Variants in GLMN observed in about 807,000 individuals in gnomAD.
GLMN encodes the protein glomulin.
A neutral mutation model predicts 87.8 loss-of-function variants in GLMN; 75 were observed. The ratio of observed to expected loss-of-function variants is 0.85; its 90% confidence interval spans 0.71 to 1.04. The LOEUF (loss-of-function observed/expected upper bound fraction) is 1.04. Ranked by LOEUF, GLMN falls within the 50% of genes least tolerant of loss-of-function variation. The pLI is 0.00. For synonymous variants in GLMN, 206 were observed against 221.6 expected (o/e 0.93, Z 0.63); for missense variants, 588 against 658.8 (o/e 0.89, Z 1.18).
chr1:92,346,613 T>G, the GLMN span, among the ~76,000 whole-genome samples: 9,223 of 152,284 alleles, frequency 0.061, 399 homozygotes, highest in Middle Eastern at 0.11. Context: ...TTATTTTGTT[T>G]GTCAACATAC....
the GLMN span, among the ~76,000 whole-genome samples, chr1:92,346,496 A>C: frequency 1.3e-5 from 2 of 152,080 alleles, no homozygotes; most frequent in Non-Finnish European, 2.9e-5. Flanking sequence ...AAATATCCTC[A>C]TGTGGAGTAT....
At chr1:92,263,255 T>C (rs1655237673) in intron 15 of GLMN, among the ~76,000 whole-genome samples, 1 of 152,086 alleles carries the variant, frequency 6.6e-6, no homozygotes, top group Non-Finnish European at 1.5e-5. Flanking sequence ...ACTGAAATTA[T>C]ATGTTCTATA....
chr1:92,331,612 C>G, the GLMN span, among the ~76,000 whole-genome samples: 1 of 152,156 alleles, frequency 6.6e-6, no homozygotes, highest in Non-Finnish European at 1.5e-5. Context: ...CATGATTTAA[C>G]TCCATCTATC....
At chr1:92,351,091 G>A in the GLMN span, among the ~76,000 whole-genome samples, 9 of 151,920 alleles carry the variant, frequency 5.9e-5, no homozygotes, top group Admixed American at 1.3e-4. Context: ...GGTGGATCAC[G>A]AAGTCAGAAG....
Position 92,297,550 on chromosome 1 carries a change from C to T in GLMN, c.40-21G>A, listed in dbSNP as rs760132970. Reference sequence around the variant, plus strand: ...ATTTGCTGGCAAAAAAAAAAAAAACCCAAAAAACAAACAAAAAAAAGTATA... The same window carrying T: ...ATTTGCTGGCAAAAAAAAAAAAAACTCAAAAAACAAACAAAAAAAAGTATA... On this transcript the variant is annotated intron_variant, in intron 2 of 18. Coordinates refer to ENST00000370360, the MANE Select transcript of GLMN (RefSeq NM_053274.3). 2.7e-6 allele frequency: 4 copies of T among 1,505,262 alleles called. No homozygotes were observed. The South Asian group carries it at 4.8e-5, about 18-fold the overall frequency. The allele number at this position is 1,505,262 out of a possible 1,614,324, so 93.2% of individuals were successfully genotyped here.
the GLMN span, chr1:92,333,108 A>G: frequency 3.0e-6 from 1 of 332,760 alleles, no homozygotes; most frequent in East Asian, 5.3e-5. Context: ...GCAGTTTACA[A>G]AATCTTTTTG....
the GLMN span, chr1:92,323,736 G>A: frequency 6.2e-7 from 1 of 1,614,146 alleles, no homozygotes; most frequent in Non-Finnish European, 8.5e-7. Flanking sequence ...ATGTCACTGA[G>A]CAGTTAGGCG....
upstream of GLMN, chr1:92,300,220 CAAG>C (rs1489340679): frequency 3.1e-6 from 5 of 1,609,876 alleles, no homozygotes; most frequent in Non-Finnish European, 4.2e-6. Context: ...TACTTTGAAA[CAAG>C]AAGATGCTTC....
At chr1:92,356,590 T>G in the GLMN span, among the ~76,000 whole-genome samples, 3,732 of 149,920 alleles carry the variant, frequency 0.025, 114 homozygotes, top group African/African-American at 0.071. Context: ...GGCTAATTTT[T>G]TTTTTTTTTT....
chr1:92,299,720 A>G (rs1226377886), upstream of GLMN, among the ~76,000 whole-genome samples: 4 of 152,316 alleles, frequency 2.6e-5, no homozygotes, highest in East Asian at 7.7e-4. Flanking sequence ...TGCAAAAACA[A>G]ATTGCTCTCC....
intron 16 of GLMN, among the ~76,000 whole-genome samples, chr1:92,254,149 A>C (rs1359359079): frequency 1.3e-5 from 2 of 152,228 alleles, no homozygotes; most frequent in African/African-American, 2.4e-5. Flanking sequence ...GAATCGATCA[A>C]GTGGAAGAAA....
the GLMN span, among the ~76,000 whole-genome samples, chr1:92,365,993 T>C: frequency 6.6e-6 from 1 of 152,152 alleles, no homozygotes; most frequent in Non-Finnish European, 1.5e-5. Context: ...AAAAAAAATT[T>C]AACAAACTTG....
rs543144646 is a variant in GLMN at position 92,286,464 on chromosome 1, T to C, written c.735+26A>G. The stretch of plus-strand genomic sequence containing the variant: ...TATAGTGGGATAACATTTAAGATTA[T>C]AGCAGATTAAATTAGCTGTACTTAC... On this transcript the variant is annotated intron_variant, in intron 7 of 18. Coordinates refer to ENST00000370360, the MANE Select transcript of GLMN (RefSeq NM_053274.3). 55 of 1,018,282 alleles carry C rather than the reference T, an allele frequency of 5.4e-5. No individual in the cohort carries two copies. In the East Asian group the frequency reaches 1.2e-3, roughly 22 times the overall value. The allele number at this position is 1,018,282 out of a possible 1,614,324, so 63.1% of individuals were successfully genotyped here.
chr1:92,333,381 T>C, the GLMN span: 11 of 1,606,084 alleles, frequency 6.8e-6, no homozygotes, highest in Admixed American at 1.7e-5. Context: ...TGTTTAAAAA[T>C]GTGATTCAGC....
At chr1:92,259,245 ATTAT>A (rs1324305972) in intron 16 of GLMN, among the ~76,000 whole-genome samples, 8 of 152,332 alleles carry the variant, frequency 5.3e-5, no homozygotes, top group East Asian at 1.9e-4. Context: ...ACAACTAATA[ATTAT>A]TTAAAGATAC....
At chr1:92,347,409 A>C in the GLMN span, among the ~76,000 whole-genome samples, 1 of 152,180 alleles carries the variant, frequency 6.6e-6, no homozygotes, top group East Asian at 1.9e-4. Context: ...GTAGTTCTGC[A>C]ATTCATTATA....
intron 4 of GLMN, among the ~76,000 whole-genome samples, 158 bp from the exon 5 acceptor site, chr1:92,290,464 A>G (rs1452153829): frequency 1.3e-5 from 2 of 152,232 alleles, no homozygotes; most frequent in Non-Finnish European, 2.9e-5. Flanking sequence ...AATATGCATG[A>G]GCAAAACACA....
At chr1:92,317,782 T>C in the GLMN span, among the ~76,000 whole-genome samples, 2 of 152,188 alleles carry the variant, frequency 1.3e-5, no homozygotes, top group African/African-American at 4.8e-5. Flanking sequence ...AAAGATACAA[T>C]TTTCTTTTAA....
chr1:92,263,830 T>A, intron 14 of GLMN, 98 bp from the exon 15 acceptor site: 1 of 766,780 alleles, frequency 1.3e-6, no homozygotes, highest in Non-Finnish European at 2.4e-6. Context: ...ATTGCACATT[T>A]AAAATACAGT....
Sources: allele counts gnomAD v4.1 joint callset (sites outside exome capture counted in the v4.1 genomes callset), GRCh38; gene constraint gnomAD v4.1.1; transcripts MANE v1.5; gene names NCBI Gene and HGNC (gene_info 2026-07-23, HGNC 2026-07-21).